The following WNT2 variants were observed in gnomAD, a reference collection of about 807,000 sequenced individuals.
WNT2 encodes Wnt family member 2.
WNT2 carries 12 observed loss-of-function variants against 36.9 expected under a neutral mutation model. The observed-to-expected ratio is 0.33, with a 90% CI of 0.21 to 0.53. The LOEUF (loss-of-function observed/expected upper bound fraction) is 0.53. Ranked by LOEUF, WNT2 falls within the 20% of genes least tolerant of loss-of-function variation. The pLI is 0.95. For synonymous variants in WNT2, 163 were observed against 174.6 expected, an observed-to-expected ratio of 0.93 and a Z score of 0.52; for missense variants, 379 against 473.1, an observed-to-expected ratio of 0.80 and a Z score of 1.84.
chr7:117,322,841 C>A lies in WNT2; in HGVS notation c.83+66G>T. 6.5e-7 allele frequency: 1 copy of A among 1,529,112 alleles called. No individual in the cohort carries two copies. The highest frequency in any genetic ancestry group is 1.1e-5 in the South Asian group (1 of 89,244). 94.7% of individuals were successfully genotyped at this position (1,529,112 alleles called of 1,614,324 possible). A position where few individuals can be genotyped will look rare whatever the true frequency, so the allele number is the denominator to read the frequency against. On this transcript the variant is annotated intron_variant, in intron 1 of 4. Coordinates refer to ENST00000265441, the MANE Select transcript of WNT2 (RefSeq NM_003391.3). The surrounding 1 kb of genome is among the most constrained non-coding windows in gnomAD (Gnocchi z 5.4). ...GCGGGGGAACGCAGCCAGGAAGGGT[C>A]TATGTGGCCAATGCGGTCCCCATTC... is the stretch of plus-strand genomic sequence containing the variant.
chr7:117,319,711 T>C (rs1235631391), intron 2 of WNT2, among the ~76,000 whole-genome samples: 1 of 152,222 alleles, frequency 6.6e-6, no homozygotes, highest in Non-Finnish European at 1.5e-5. Flanking sequence ...TAATTTTCTT[T>C]GATTGTGTCC....
intron 4 of WNT2, among the ~76,000 whole-genome samples, chr7:117,292,447 G>A (rs1158899143): frequency 6.6e-6 from 1 of 152,162 alleles, no homozygotes; most frequent in Non-Finnish European, 1.5e-5. Context: ...TATAAATGGA[G>A]GTAATTGCCT....
chr7:117,283,414 T>G (rs933368597), intron 4 of WNT2, among the ~76,000 whole-genome samples: 1 of 152,260 alleles, frequency 6.6e-6, no homozygotes, highest in Non-Finnish European at 1.5e-5. Context: ...GAATTCTTTA[T>G]CTGCCGTAGG....
intron 3 of WNT2, among the ~76,000 whole-genome samples, chr7:117,309,926 A>T (rs1795090311): frequency 6.6e-6 from 1 of 152,096 alleles, no homozygotes; most frequent in African/African-American, 2.4e-5. Flanking sequence ...AAGAGAGGCA[A>T]ATTTCTCACA....
intron 3 of WNT2, among the ~76,000 whole-genome samples, chr7:117,306,498 C>A (rs1795017007): frequency 6.6e-6 from 1 of 152,248 alleles, no homozygotes; most frequent in African/African-American, 2.4e-5. Flanking sequence ...TTCAGAACCT[C>A]AAGGCCATAG....
In WNT2 at chr7:117,275,715, T is replaced by C. The variant is rs1472230097; in HGVS notation, c.*2440A>G. Among the ~76,000 whole-genome samples, 1 of 152,192 alleles carries C rather than the reference T, an allele frequency of 6.6e-6. No homozygotes were observed. The highest frequency in any genetic ancestry group is 6.5e-5 in the Admixed American group (1 of 15,280). Reference sequence around the variant, plus strand: ...AGGAGTTTAAAATTACCTTCATTTGTTGTGTAATTTTTTTCCCGAACAATA... The same window carrying C: ...AGGAGTTTAAAATTACCTTCATTTGCTGTGTAATTTTTTTCCCGAACAATA... On this transcript the variant is annotated 3_prime_UTR_variant, in exon 5 of 5. Coordinates refer to ENST00000265441, the MANE Select transcript of WNT2 (RefSeq NM_003391.3).
At chr7:117,306,795 A>T (rs1443619154) in intron 3 of WNT2, among the ~76,000 whole-genome samples, 1 of 152,240 alleles carries the variant, frequency 6.6e-6, no homozygotes, top group Non-Finnish European at 1.5e-5. Flanking sequence ...TTCATGTGAC[A>T]TAGCTATGCT....
At chr7:117,285,216 A>G (rs1370104878) in intron 4 of WNT2, among the ~76,000 whole-genome samples, 1 of 152,246 alleles carries the variant, frequency 6.6e-6, no homozygotes, top group African/African-American at 2.4e-5. Context: ...CTGGGTTAAC[A>G]TGGTGTCAGT....
chr7:117,311,584 T>TA (rs1335214735), intron 3 of WNT2, among the ~76,000 whole-genome samples: 3 of 152,210 alleles, frequency 2.0e-5, no homozygotes, highest in African/African-American at 7.2e-5. Context: ...TTTTATCAAT[T>TA]AAAAAATACT....
intron 4 of WNT2, among the ~76,000 whole-genome samples, chr7:117,285,484 A>G (rs1045794389): frequency 5.3e-5 from 8 of 152,310 alleles, no homozygotes; most frequent in Admixed American, 2.0e-4. Context: ...CTGATCATCT[A>G]CCTAACTCTT....
intron 4 of WNT2, among the ~76,000 whole-genome samples, chr7:117,292,108 ATTGACGCTT>A (rs1794700713): frequency 6.6e-6 from 1 of 152,152 alleles, no homozygotes; most frequent in African/African-American, 2.4e-5. Context: ...AATCAAAGGC[ATTGACGCTT>A]TTGAAAATCT....
chr7:117,289,432 C>T (rs142539434), intron 4 of WNT2, among the ~76,000 whole-genome samples: 5 of 152,198 alleles, frequency 3.3e-5, no homozygotes, highest in East Asian at 1.9e-4. Context: ...CTCATGAATG[C>T]GCCTGAATAT....
rs372347397 is a variant in WNT2 at position 117,284,232 on chromosome 7, C to G, written c.854-5848G>C. On this transcript the variant is annotated intron_variant, in intron 4 of 4. Transcript: ENST00000265441. The surrounding 1 kb of genome is among the most constrained non-coding windows in gnomAD (Gnocchi z 5.2). ...ACAAAATCGCTGGCATTACTTTCCC[C>G]TTAATGAATTACAATAAAGACTCAT... Among the ~76,000 whole-genome samples the G allele has an allele frequency of 6.6e-6, 1 of 152,292 alleles. No individual in the cohort carries two copies. The highest frequency in any genetic ancestry group is 1.9e-4 in the East Asian group (1 of 5,192).
intron 3 of WNT2, among the ~76,000 whole-genome samples, chr7:117,309,856 C>T (rs1175353276): frequency 6.6e-6 from 1 of 152,110 alleles, no homozygotes; most frequent in Non-Finnish European, 1.5e-5. Flanking sequence ...TATTAATAAA[C>T]ACCCAGAAGC....
At chr7:117,290,989 T>C (rs1330308068) in intron 4 of WNT2, among the ~76,000 whole-genome samples, 1 of 152,242 alleles carries the variant, frequency 6.6e-6, no homozygotes, top group Non-Finnish European at 1.5e-5. Flanking sequence ...TGTTTAATCA[T>C]TAAAAACATG....
At chr7:117,306,066 GC>G (rs907092208) in intron 3 of WNT2, among the ~76,000 whole-genome samples, 1 of 152,152 alleles carries the variant, frequency 6.6e-6, no homozygotes, top group Non-Finnish European at 1.5e-5. Context: ...TGCCCCATTT[GC>G]TTTTATTCTT....
At chr7:117,317,571 G>C (rs763617213) in intron 2 of WNT2, among the ~76,000 whole-genome samples, 1 of 152,190 alleles carries the variant, frequency 6.6e-6, no homozygotes, top group South Asian at 2.1e-4. Context: ...TATGTGTGAA[G>C]TAGTAGCACA....
At chr7:117,305,738 T>C (rs546187879) in intron 3 of WNT2, among the ~76,000 whole-genome samples, 40 of 152,284 alleles carry the variant, frequency 2.6e-4, no homozygotes, top group Non-Finnish European at 4.9e-4. Flanking sequence ...ATAGGCACCA[T>C]AATAGGGCAC....
chr7:117,297,501 G>A (rs963215182), intron 4 of WNT2, 111 bp downstream of exon 4: 26 of 1,339,570 alleles, frequency 1.9e-5, no homozygotes, highest in South Asian at 1.1e-4. Context: ...GATAAGGATC[G>A]TGAGCTTTGA....
Sources: gnomAD v4.1 joint callset for allele counts (sites outside exome capture counted in the v4.1 genomes callset) on GRCh38, gnomAD v4.1.1 for gene constraint, Gnocchi (gnomAD v3.1) non-coding constraint, MANE v1.5 for transcripts, NCBI Gene and HGNC (gene_info 2026-07-23, HGNC 2026-07-21) for gene names.